The following EPC1 variants were observed in gnomAD, a reference collection of about 807,000 sequenced individuals.
EPC1 encodes the protein enhancer of polycomb homolog 1.
EPC1 carries 12 observed loss-of-function variants against 98.4 expected under a neutral mutation model. The observed-to-expected ratio is 0.12, with a 90% confidence interval of 0.08 to 0.20. The LOEUF is 0.20. Ranked by LOEUF, EPC1 falls within the 10% of genes least tolerant of loss-of-function variation. EPC1 has a pLI of 1.00. For missense variants in EPC1, 729 were observed against 990.5 expected, an observed-to-expected ratio of 0.74 and a Z score of 3.54; for synonymous variants, 357 against 363.9, an observed-to-expected ratio of 0.98 and a Z score of 0.21.
At chr10:32,364,701 G>A (rs1184237716) in intron 1 of EPC1, among the ~76,000 whole-genome samples, 1 of 152,018 alleles carries the variant, frequency 6.6e-6, no homozygotes, top group Non-Finnish European at 1.5e-5. Context: ...AATGTAAAAA[G>A]CCAAGAAAAG....
chr10:32,324,764 T>C (rs955775017), intron 1 of EPC1, among the ~76,000 whole-genome samples: 13 of 151,882 alleles, frequency 8.6e-5, no homozygotes, highest in African/African-American at 3.1e-4. Context: ...GAGGCCGAGG[T>C]CGGCGGATCA....
intron 11 of EPC1, chr10:32,272,913 C>T: frequency 1.1e-6 from 1 of 941,986 alleles, no homozygotes. Context: ...CATTAATGGA[C>T]TACAGGTCAG....
At chr10:32,346,302 G>A (rs561675143) in intron 1 of EPC1, among the ~76,000 whole-genome samples, 1 of 152,134 alleles carries the variant, frequency 6.6e-6, no homozygotes, top group Non-Finnish European at 1.5e-5. Context: ...CTCCCGGCCC[G>A]GGCAGCGGCG....
chr10:32,295,075 T>C (rs1835070746), intron 2 of EPC1, among the ~76,000 whole-genome samples: 1 of 152,230 alleles, frequency 6.6e-6, no homozygotes, highest in African/African-American at 2.4e-5. Context: ...TTCATCTTTT[T>C]TAGTGGCTAA....
At chr10:32,272,317 G>A (rs998509458) in intron 11 of EPC1, 150 bp from the exon 12 acceptor site, 2 of 596,048 alleles carry the variant, frequency 3.4e-6, no homozygotes, top group Non-Finnish European at 5.8e-6. Context: ...AGATGCAACA[G>A]TAATTATATC....
At chr10:32,337,823 C>T (rs930247718) in intron 1 of EPC1, among the ~76,000 whole-genome samples, 5 of 152,138 alleles carry the variant, frequency 3.3e-5, no homozygotes, top group Non-Finnish European at 4.4e-5. Context: ...GCTGGGCTTT[C>T]CTTCTCACCA....
upstream of EPC1, chr10:32,347,283 C>T (rs1838912683): frequency 2.3e-6 from 2 of 881,374 alleles, no homozygotes; most frequent in Non-Finnish European, 1.4e-6. Flanking sequence ...CCGCCAACCC[C>T]CGGCACCCGC....
intron 2 of EPC1, among the ~76,000 whole-genome samples, chr10:32,295,545 A>G (rs534308917): frequency 2.6e-5 from 4 of 152,284 alleles, no homozygotes; most frequent in Admixed American, 2.6e-4. Flanking sequence ...GGGCCCTCCA[A>G]TGATTTTCCA....
chr10:32,284,495 AG>A (rs1836565187), intron 10 of EPC1: 1 of 454,958 alleles, frequency 2.2e-6, no homozygotes, highest in Non-Finnish European at 3.8e-6. Context: ...CTTTGTATGC[AG>A]GTATGTTTAA....
At chr10:32,346,643 G>A (rs1457669273) in intron 1 of EPC1, 120 bp downstream of exon 1, 5 of 1,011,228 alleles carry the variant, frequency 4.9e-6, no homozygotes, top group Non-Finnish European at 5.9e-6. Flanking sequence ...GCCGGCGACT[G>A]AGAGTCGGCG....
At chr10:32,352,369 T>C (rs958360754) in intron 1 of EPC1, among the ~76,000 whole-genome samples, 1 of 152,022 alleles carries the variant, frequency 6.6e-6, no homozygotes, top group Non-Finnish European at 1.5e-5. Context: ...TTCTTTTCAG[T>C]CTGTCCTCCC....
intron 2 of EPC1, among the ~76,000 whole-genome samples, chr10:32,302,476 C>T (rs1333971730): frequency 6.6e-6 from 1 of 151,162 alleles, no homozygotes; most frequent in Admixed American, 6.6e-5. Flanking sequence ...GGGGAGACCC[C>T]ATCTCTACTA....
chr10:32,292,800 T>C (rs1834926537), intron 4 of EPC1, among the ~76,000 whole-genome samples, 156 bp from the exon 5 acceptor site: 1 of 152,128 alleles, frequency 6.6e-6, no homozygotes, highest in Admixed American at 6.5e-5. Flanking sequence ...TTGTATTGAT[T>C]TTTAAATGGA....
intron 1 of EPC1, among the ~76,000 whole-genome samples, chr10:32,340,715 T>C (rs985454734): frequency 1.3e-5 from 2 of 152,106 alleles, no homozygotes; most frequent in Non-Finnish European, 2.9e-5. Context: ...TCTCAGCTAC[T>C]TGTAAGGCTG....
At chr10:32,272,405 T>C (rs1835891069) in intron 11 of EPC1, among the ~76,000 whole-genome samples, 2 of 152,176 alleles carry the variant, frequency 1.3e-5, no homozygotes, top group Non-Finnish European at 2.9e-5. Context: ...CAATATATAA[T>C]ATGTATAAGT....
chr10:32,372,315 C>A (rs559979628), intron 1 of EPC1, among the ~76,000 whole-genome samples: 1 of 152,300 alleles, frequency 6.6e-6, no homozygotes, highest in South Asian at 2.1e-4. Flanking sequence ...CAACAAAACC[C>A]CGCAAAATGT....
chr10:32,333,416 T>G (rs1448960995), intron 1 of EPC1, among the ~76,000 whole-genome samples: 1 of 152,136 alleles, frequency 6.6e-6, no homozygotes, highest in Non-Finnish European at 1.5e-5. Context: ...AAAGGAGAGT[T>G]TCAACTAGAA....
intron 1 of EPC1, among the ~76,000 whole-genome samples, chr10:32,334,439 CTT>C (rs1485996845): frequency 1.5e-4 from 20 of 137,302 alleles, no homozygotes; most frequent in Middle Eastern, 3.5e-3. Context: ...TAGGATAAGA[CTT>C]TTGAATATAA....
At chr10:32,328,607 G>C (rs1032507444) in intron 1 of EPC1, among the ~76,000 whole-genome samples, 2 of 152,298 alleles carry the variant, frequency 1.3e-5, no homozygotes, top group Admixed American at 6.5e-5. Context: ...CAATCTCCTA[G>C]ATATCAGTGC....
Sources: gnomAD v4.1 joint callset for allele counts (sites outside exome capture counted in the v4.1 genomes callset) on GRCh38, gnomAD v4.1.1 for gene constraint, MANE v1.5 for transcripts, NCBI Gene and HGNC (gene_info 2026-07-23, HGNC 2026-07-21) for gene names.